The following TAF8 variants were observed in gnomAD, a reference collection of about 807,000 sequenced individuals.
The protein encoded by TAF8 is TATA-box binding protein associated factor 8, also known as transcription initiation factor TFIID subunit 8.
In TAF8, 47 loss-of-function variants were observed where a neutral mutation model predicts 36.5. The ratio of observed to expected loss-of-function variants is 1.29; its 90% confidence interval spans 1.02 to 1.64. The LOEUF is 1.64. Ranked by LOEUF, TAF8 falls within the 40% of genes most tolerant of loss-of-function variation. TAF8 has a pLI of 0.00. For synonymous variants in TAF8, 175 were observed against 159.5 expected, an observed-to-expected ratio of 1.10 and a Z score of -0.73; for missense variants, 420 against 407.6, an observed-to-expected ratio of 1.03 and a Z score of -0.26.
At chr6:42,087,437 C>G (rs1440110670), downstream of TAF8, 1 of 152,074 alleles carries the variant, frequency 6.6e-6, no homozygotes, top group Non-Finnish European at 1.5e-5. Flanking sequence ...TCAAAAGGTA[C>G]AAAAGAATAA....
At chr6:42,067,311 C>T (rs765036623) in intron 6 of TAF8, among the ~76,000 whole-genome samples, 37 of 152,214 alleles carry the variant, frequency 2.4e-4, no homozygotes, top group Admixed American at 2.4e-3. Flanking sequence ...CTCCGCCTCC[C>T]GGGTTCCAGC....
intron 1 of TAF8, 187 bp downstream of exon 1, chr6:42,050,773 C>G (rs1446895916): frequency 1.1e-6 from 1 of 943,452 alleles, no homozygotes; most frequent in Non-Finnish European, 1.5e-6. Context: ...GTTGGCGGAC[C>G]TGTGTCTTGA....
downstream of TAF8, chr6:42,086,882 C>A: frequency 1.1e-6 from 1 of 927,880 alleles, no homozygotes; most frequent in Admixed American, 2.1e-5. Flanking sequence ...AGATGCTACC[C>A]CACAAGCTTG....
chr6:42,064,829 C>T (rs1461597219), intron 5 of TAF8, among the ~76,000 whole-genome samples: 2 of 151,140 alleles, frequency 1.3e-5, no homozygotes, highest in African/African-American at 4.9e-5. Flanking sequence ...TGGTGGCAGG[C>T]GTCTGTAGTC....
At chr6:42,072,809 G>T (rs1765624013) in intron 7 of TAF8, among the ~76,000 whole-genome samples, 1 of 151,526 alleles carries the variant, frequency 6.6e-6, no homozygotes, top group South Asian at 2.1e-4. Context: ...TGCAAGCTCC[G>T]CCTCCCGGGT....
downstream of TAF8, among the ~76,000 whole-genome samples, chr6:42,085,306 T>G (rs1007631907): frequency 5.9e-5 from 9 of 152,226 alleles, no homozygotes; most frequent in Non-Finnish European, 1.0e-4. Flanking sequence ...AAATTGAGAC[T>G]ATTTCCAGCA....
Position 42,050,583 on chromosome 6 carries a change from A to C in TAF8, c.42A>C (p.Gly14=). ...AAATAGAGGS[G]TRSGSKQSTN... ...CCACAGCTGGGGCCGGTGGCTCCGG[A>C]ACGGTAAGGGCAGGAAGCGCGGGCT... Residue 14 remains glycine, a synonymous_variant, in exon 1 of 9, where the codon GGA becomes GGC. Transcript: ENST00000372977. 6.4e-7 allele frequency: 1 copy of C among 1,554,900 alleles called. No individual in the cohort carries two copies. The highest frequency in any genetic ancestry group is 2.0e-5 in the Admixed American group (1 of 50,802).
In TAF8 at chr6:42,068,511, TC is replaced by T. The variant is rs1765445444; in HGVS notation, c.686del (p.Pro229ArgfsTer70). 1 of 1,614,138 alleles carries T rather than the reference TC, an allele frequency of 6.2e-7. No homozygotes were observed. The highest frequency in any genetic ancestry group is 8.5e-7 in the Non-Finnish European group (1 of 1,180,036). ...CCATCCCCTACCTGACAGCTCTTCT[TC>T]CGTCTGAACTGGAGATGCAACAAAT... ...FTIPYLTALL[P>X]SELEMQQMEE... On this transcript the variant is annotated frameshift_variant, in exon 7 of 9. Coordinates refer to ENST00000372977, the MANE Select transcript of TAF8 (RefSeq NM_138572.3). LOFTEE classifies it high-confidence loss of function.
At chr6:42,087,081 T>G, downstream of TAF8, 1 of 368,998 alleles carries the variant, frequency 2.7e-6, no homozygotes, top group Non-Finnish European at 5.0e-6. Context: ...GCCTGAAGCC[T>G]TCCTCTGGCT....
Position 42,051,418 on chromosome 6 carries a change from C to T in TAF8, c.107C>T (p.Thr36Ile). 6.2e-7 allele frequency: 1 copy of T among 1,614,102 alleles called. No individual in the cohort carries two copies. Among genetic ancestry groups the T allele is most frequent in the Non-Finnish European group, 8.5e-7 (1 of 1,180,024 alleles). The stretch of plus-strand genomic sequence containing the variant: ...AACTATCATCTGGCCCGGAGGAGAA[C>T]CCTGCAGGTGGTTGTGAGCTCCTTG... ...ADNYHLARRR[T>I]LQVVVSSLLT... The change falls in exon 2 of 9, where the codon ACC becomes ATC. Residue 36 changes from threonine to isoleucine, a missense_variant. By Grantham distance (89) the Thr-to-Ile change is moderately conservative. Transcript: ENST00000372977.
chr6:42,064,869 A>G lies in TAF8; in HGVS notation c.490-1443A>G, dbSNP rs543961317. On this transcript the variant is annotated intron_variant, in intron 5 of 8. Transcript: ENST00000372977. ...CTACTCGGGAGGCTGAGGCAGGAGAATGGCATGCACCCGGGGGGCGGAGCT... is the reference window on the plus strand; with the variant it reads ...CTACTCGGGAGGCTGAGGCAGGAGAGTGGCATGCACCCGGGGGGCGGAGCT... Among the ~76,000 whole-genome samples, 121 of 116,260 alleles carry G rather than the reference A, an allele frequency of 1.0e-3. 2 individuals carry two copies. Among genetic ancestry groups the G allele is most frequent in the Admixed American group, 3.2e-3 (36 of 11,254 alleles). 76.3% of individuals were successfully genotyped at this position (116,260 alleles called of 152,430 possible).
At position 42,078,472 on chromosome 6, in the gene TAF8, G is replaced by T; in HGVS notation, c.*927G>T. The T allele has an allele frequency of 1.0e-6, 1 of 985,402 alleles. No homozygotes were observed. The highest frequency in any genetic ancestry group is 1.2e-6 in the Non-Finnish European group (1 of 829,924). The allele number at this position is 985,402 out of a possible 1,614,324, so 61.0% of individuals were successfully genotyped here. A position where few individuals can be genotyped will look rare whatever the true frequency, so the allele number is the denominator to read the frequency against. On this transcript the variant is annotated 3_prime_UTR_variant, in exon 9 of 9. Coordinates refer to ENST00000372977, the MANE Select transcript of TAF8 (RefSeq NM_138572.3). ...CCTCATCTGGCCTCCCAAGTGCTCC[G>T]TTGAGCTGATGAAAAGTTCTTTGTA...
rs1765821645 is a variant in TAF8, at chr6:42,078,220, G to T, written c.*675G>T. 1.0e-6 allele frequency: 1 copy of T among 985,500 alleles called. No individual in the cohort carries two copies. Among genetic ancestry groups the T allele is most frequent in the Non-Finnish European group, 1.2e-6 (1 of 830,072 alleles). 61.0% of individuals were successfully genotyped at this position (985,500 alleles called of 1,614,324 possible). A position where few individuals can be genotyped will look rare whatever the true frequency, so the allele number is the denominator to read the frequency against. On this transcript the variant is annotated 3_prime_UTR_variant, in exon 9 of 9. Transcript: ENST00000372977. ...CTTTCTTAATCAATCAGGCTATGTG[G>T]TGGGGCATAGCAGCAGCCAGTGACT...
At chr6:42,068,299 G>C (rs939747072) in intron 6 of TAF8, among the ~76,000 whole-genome samples, 166 bp from the exon 7 acceptor site, 1 of 152,174 alleles carries the variant, frequency 6.6e-6, no homozygotes. Context: ...GATAACATGA[G>C]TAAAGCCCGT....
chr6:42,064,956 C>CAAAAA (rs59214523), intron 5 of TAF8, among the ~76,000 whole-genome samples: 2 of 73,706 alleles, frequency 2.7e-5, no homozygotes, highest in African/African-American at 1.2e-4. Context: ...GACTCTGTCT[C>CAAAAA]AAAAAAAAAA....
rs550110398 is a variant in TAF8, at chr6:42,064,243, G to T, written c.490-2069G>T. On this transcript the variant is annotated intron_variant, in intron 5 of 8. Transcript: ENST00000372977. ...TCAAAATCCACTCATTTTATTATTG[G>T]GAAGTTTTGGGGTTTTTTTGTGGGG... Among the ~76,000 whole-genome samples the T allele has an allele frequency of 4.7e-5, 7 of 150,186 alleles. No homozygotes were observed. The East Asian group carries it at 1.4e-3, about 31-fold the overall frequency.
chr6:42,086,359 T>G (rs1429281386), downstream of TAF8, among the ~76,000 whole-genome samples: 1 of 152,192 alleles, frequency 6.6e-6, no homozygotes, highest in Non-Finnish European at 1.5e-5. Context: ...ATGATTGAGG[T>G]GAGCTTTTCC....
intron 5 of TAF8, among the ~76,000 whole-genome samples, chr6:42,065,721 C>G (rs531033545): frequency 1.3e-5 from 2 of 152,242 alleles, no homozygotes; most frequent in East Asian, 3.9e-4. Context: ...GACCCGAGAC[C>G]ATCTGTCATG....
At chr6:42,072,151 T>C (rs1163926351) in intron 7 of TAF8, among the ~76,000 whole-genome samples, 1 of 152,212 alleles carries the variant, frequency 6.6e-6, no homozygotes, top group Non-Finnish European at 1.5e-5. Context: ...GAGACAGAGC[T>C]GGTATCTATC....
Sources: gnomAD v4.1 joint callset for allele counts (sites outside exome capture counted in the v4.1 genomes callset) on GRCh38, gnomAD v4.1.1 for gene constraint, MANE v1.5 for transcripts, NCBI Gene and HGNC (gene_info 2026-07-23, HGNC 2026-07-21) for gene names.